The following PPP3R1 variants were observed in gnomAD, a reference collection of about 807,000 sequenced individuals.
The protein encoded by PPP3R1 is calcineurin subunit B type 1.
In PPP3R1, 5 loss-of-function variants were observed where a neutral mutation model predicts 22.6. The ratio of observed to expected loss-of-function variants is 0.22; its 90% CI spans 0.12 to 0.46. PPP3R1 has a LOEUF of 0.46. Ranked by LOEUF, PPP3R1 falls within the 20% of genes least tolerant of loss-of-function variation. The pLI, the probability that PPP3R1 is intolerant of heterozygous loss-of-function variation, is 0.99. For missense variants in PPP3R1, 61 were observed against 203.2 expected (o/e 0.30, Z 4.25); for synonymous variants, 56 against 65.2 (o/e 0.86, Z 0.68).
At chr2:68,228,448 A>G (rs1447089640) in intron 1 of PPP3R1, among the ~76,000 whole-genome samples, 1 of 152,176 alleles carries the variant, frequency 6.6e-6, no homozygotes, top group African/African-American at 2.4e-5. Context: ...ATTACTTCAA[A>G]GTTGTCAAAT....
rs200437946 is a variant in PPP3R1 at position 68,198,393 on chromosome 2, G to GTA, written c.44-9705_44-9704dup. On this transcript the variant is annotated intron_variant, in intron 2 of 5. Transcript: ENST00000234310. ...TATGTACATGTATATGCATATATAT[G>GTA]TATATATATGTGTATGTATATGCAT... 2.7e-4 allele frequency among the ~76,000 whole-genome samples: 21 copies of GTA among 77,928 alleles called. 2 individuals are homozygous for GTA. The highest frequency in any genetic ancestry group is 6.4e-4 in the East Asian group (2 of 3,124). The allele number at this position is 77,928 out of a possible 152,430, so 51.1% of individuals were successfully genotyped here.
intron 4 of PPP3R1, 116 bp downstream of exon 4, chr2:68,187,139 A>C (rs1674562664): frequency 4.9e-6 from 4 of 814,182 alleles, no homozygotes; most frequent in African/African-American, 1.8e-5. Context: ...AATTTCAGTT[A>C]TGTCTAAGGA....
At chr2:68,202,856 G>A (rs888951353) in intron 2 of PPP3R1, among the ~76,000 whole-genome samples, 3 of 135,870 alleles carry the variant, frequency 2.2e-5, no homozygotes, top group African/African-American at 8.9e-5. Flanking sequence ...AGGCTGGAGT[G>A]CAGTGGCATG....
intron 2 of PPP3R1, among the ~76,000 whole-genome samples, chr2:68,215,263 A>T (rs1345849736): frequency 2.0e-5 from 3 of 152,140 alleles, no homozygotes; most frequent in Non-Finnish European, 4.4e-5. Flanking sequence ...AAACCTGCAC[A>T]TACCCATGAA....
intron 2 of PPP3R1, among the ~76,000 whole-genome samples, chr2:68,213,487 C>G (rs887107234): frequency 6.6e-6 from 1 of 152,086 alleles, no homozygotes; most frequent in Non-Finnish European, 1.5e-5. Flanking sequence ...ACATGGACAC[C>G]GTTCATGCTG....
intron 2 of PPP3R1, among the ~76,000 whole-genome samples, chr2:68,198,284 TGTGTATACAC>T (rs1465911139): frequency 0.023 from 3,348 of 146,464 alleles, 137 homozygotes; most frequent in African/African-American, 0.08. Context: ...TATGCATGTA[TGTGTATACAC>T]ATGTATACAT....
At chr2:68,222,268 AT>A (rs1669699219) in intron 1 of PPP3R1, among the ~76,000 whole-genome samples, 1 of 152,242 alleles carries the variant, frequency 6.6e-6, no homozygotes. Flanking sequence ...ACAGCATGGT[AT>A]ATTAAAGATG....
intron 1 of PPP3R1, among the ~76,000 whole-genome samples, chr2:68,246,096 A>T (rs1670232726): frequency 9.0e-6 from 1 of 110,744 alleles, no homozygotes; most frequent in African/African-American, 3.7e-5. Context: ...TTTTTTTGAG[A>T]CAGAGTCTTG....
chr2:68,189,691 A>G (rs1484169460), intron 2 of PPP3R1, among the ~76,000 whole-genome samples: 2 of 152,206 alleles, frequency 1.3e-5, no homozygotes, highest in East Asian at 1.9e-4. Context: ...AACATGGTAA[A>G]AACCCCACTT....
Position 68,208,995 on chromosome 2 carries a change from A to C in PPP3R1, c.43+8097T>G, listed in dbSNP as rs139002661. Reference sequence around the variant, plus strand: ...GAGGAAACAGCAAAATAAAATGTAAATAGTGATTGGGATGGAAAGATTATG... The same window carrying C: ...GAGGAAACAGCAAAATAAAATGTAACTAGTGATTGGGATGGAAAGATTATG... On this transcript the variant is annotated intron_variant, in intron 2 of 5. Coordinates refer to ENST00000234310, the MANE Select transcript of PPP3R1 (RefSeq NM_000945.4). Among the ~76,000 whole-genome samples the C allele has an allele frequency of 2.2e-3, 337 of 151,924 alleles. 3 individuals are homozygous for C. Among genetic ancestry groups the C allele is most frequent in the African/African-American group, 7.9e-3 (329 of 41,436 alleles).
At chr2:68,226,175 A>G (rs1346704715) in intron 1 of PPP3R1, among the ~76,000 whole-genome samples, 1 of 152,190 alleles carries the variant, frequency 6.6e-6, no homozygotes, top group African/African-American at 2.4e-5. Flanking sequence ...GAGGGGGAGA[A>G]CAGGGAGTGA....
intron 5 of PPP3R1, 85 bp from the exon 6 acceptor site, chr2:68,181,095 A>C: frequency 7.4e-7 from 1 of 1,344,546 alleles, no homozygotes. Context: ...AATTTTAAAA[A>C]ATATTACTAG....
chr2:68,229,088 G>C (rs1669837643), intron 1 of PPP3R1, among the ~76,000 whole-genome samples: 2 of 152,050 alleles, frequency 1.3e-5, no homozygotes, highest in African/African-American at 4.8e-5. Context: ...GCATGACATG[G>C]CTCACTGCAG....
At chr2:68,198,162 AAT>A (rs1383283258) in intron 2 of PPP3R1, among the ~76,000 whole-genome samples, 3 of 145,268 alleles carry the variant, frequency 2.1e-5, no homozygotes, top group African/African-American at 5.1e-5. Context: ...CATATATGTA[AAT>A]ATATACATAC....
chr2:68,206,028 G>T (rs959617599), intron 2 of PPP3R1, among the ~76,000 whole-genome samples: 1 of 152,084 alleles, frequency 6.6e-6, no homozygotes, highest in Non-Finnish European at 1.5e-5. Context: ...ATGTTGGTCA[G>T]GCTGGTCTTG....
intron 2 of PPP3R1, among the ~76,000 whole-genome samples, chr2:68,215,090 T>C (rs1669553900): frequency 1.3e-5 from 2 of 151,888 alleles, no homozygotes; most frequent in Non-Finnish European, 2.9e-5. Flanking sequence ...CAAGAACACA[T>C]GGACACAAAA....
At chr2:68,222,147 GTATA>G (rs1187282423) in intron 1 of PPP3R1, among the ~76,000 whole-genome samples, 1 of 152,088 alleles carries the variant, frequency 6.6e-6, no homozygotes, top group Non-Finnish European at 1.5e-5. Flanking sequence ...ATGTTGTGGG[GTATA>G]TAAAGTGAAC....
intron 5 of PPP3R1, among the ~76,000 whole-genome samples, chr2:68,182,099 C>T (rs951672661): frequency 1.7e-5 from 2 of 116,322 alleles, no homozygotes; most frequent in Non-Finnish European, 3.5e-5. Context: ...CACACACACA[C>T]GACCAGTAGC....
chr2:68,191,403 T>C (rs1312179398), intron 2 of PPP3R1, among the ~76,000 whole-genome samples: 1 of 152,136 alleles, frequency 6.6e-6, no homozygotes, highest in Non-Finnish European at 1.5e-5. Flanking sequence ...ACAGTAAAAG[T>C]ATAGTATGAA....
Sources: allele counts gnomAD v4.1 joint callset (sites outside exome capture counted in the v4.1 genomes callset), GRCh38; gene constraint gnomAD v4.1.1; transcripts MANE v1.5; gene names NCBI Gene and HGNC (gene_info 2026-07-23, HGNC 2026-07-21).